Variants in SPAG16 observed in about 807,000 individuals in gnomAD.
SPAG16 encodes the protein sperm associated antigen 16, also known as sperm-associated antigen 16 protein.
A neutral mutation model predicts 80.4 loss-of-function variants in SPAG16; 86 were observed. The ratio of observed to expected loss-of-function variants is 1.07; its 90% confidence interval spans 0.90 to 1.28. SPAG16 has a LOEUF of 1.28. Among genes scored for constraint, SPAG16 ranks in the 50% most tolerant of loss-of-function variants. The probability of loss-of-function intolerance (pLI) is 0.00; values close to 1 mark genes in which losing one functional copy is unlikely to be tolerated. For missense variants in SPAG16, 870 were observed against 765.3 expected (o/e 1.14, Z -1.61); for synonymous variants, 294 against 265.9 (o/e 1.11, Z -1.03).
intron 12 of SPAG16, among the ~76,000 whole-genome samples, chr2:213,962,330 C>CTACA (rs34496294): frequency 0.33 from 49,464 of 151,240 alleles, 8,770 homozygotes; most frequent in South Asian, 0.47. Context: ...GTAGCTGGGA[C>CTACA]TACAGGCGCC....
rs574450893 is a variant in SPAG16, at chr2:213,842,566, AAACT to A, written c.1071-19915_1071-19912del. ...TATTAGATTTAATTTATTTTTTGCC[AAACT>A]AACATTTTGTTTGTTTTGTTCATAT... On this transcript the variant is annotated intron_variant, in intron 10 of 15. Transcript: ENST00000331683. Among the ~76,000 whole-genome samples, 192 of 152,146 alleles carry A rather than the reference AAACT, an allele frequency of 1.3e-3. 2 individuals are homozygous for A. The highest frequency in any genetic ancestry group is 2.4e-3 in the Non-Finnish European group (162 of 67,952).
chr2:214,080,554 G>T (rs1181506156), intron 13 of SPAG16, among the ~76,000 whole-genome samples: 2 of 149,488 alleles, frequency 1.3e-5, no homozygotes, highest in African/African-American at 2.5e-5. Context: ...CTTGCAGTGA[G>T]CTGAGATCAC....
chr2:213,565,855 TG>T (rs2059743536), intron 10 of SPAG16, among the ~76,000 whole-genome samples: 1 of 152,168 alleles, frequency 6.6e-6, no homozygotes, highest in Non-Finnish European at 1.5e-5. Flanking sequence ...GACATACTGA[TG>T]ATTCAAAGCA....
intron 10 of SPAG16, among the ~76,000 whole-genome samples, chr2:213,691,245 C>T (rs917386405): frequency 6.6e-6 from 1 of 152,222 alleles, no homozygotes; most frequent in Non-Finnish European, 1.5e-5. Flanking sequence ...CCTCTTGAAT[C>T]TGGGCTAGCC....
At chr2:213,476,074 A>G (rs1232252067) in intron 9 of SPAG16, among the ~76,000 whole-genome samples, 1 of 152,238 alleles carries the variant, frequency 6.6e-6, no homozygotes, top group Non-Finnish European at 1.5e-5. Flanking sequence ...AATAGACAGA[A>G]ACAACATGGT....
intron 8 of SPAG16, among the ~76,000 whole-genome samples, chr2:213,368,984 C>T (rs1277006145): frequency 3.3e-5 from 5 of 152,158 alleles, no homozygotes; most frequent in Non-Finnish European, 4.4e-5. Context: ...AATGGCCATA[C>T]TGCGCGAGAA....
At chr2:213,813,574 G>C (rs573884118) in intron 10 of SPAG16, among the ~76,000 whole-genome samples, 1 of 152,168 alleles carries the variant, frequency 6.6e-6, no homozygotes, top group South Asian at 2.1e-4. Flanking sequence ...TGGTCCAGGG[G>C]AAAGGTCTGC....
At chr2:213,683,393 A>C (rs948869854) in intron 10 of SPAG16, among the ~76,000 whole-genome samples, 1 of 152,172 alleles carries the variant, frequency 6.6e-6, no homozygotes, top group African/African-American at 2.4e-5. Context: ...TCTACAAAAA[A>C]TAGAAAAATT....
chr2:213,698,693 A>C (rs551540939), intron 10 of SPAG16, among the ~76,000 whole-genome samples: 4 of 152,228 alleles, frequency 2.6e-5, no homozygotes, highest in Non-Finnish European at 5.9e-5. Flanking sequence ...TCTGTTCTGT[A>C]CACCTTATTG....
intron 13 of SPAG16, among the ~76,000 whole-genome samples, chr2:214,066,259 G>A (rs1010671384): frequency 3.9e-5 from 6 of 152,046 alleles, no homozygotes; most frequent in African/African-American, 1.4e-4. Context: ...AACCTGAATT[G>A]CAATCATAAA....
At chr2:214,150,635 A>G (rs1027426493) in intron 15 of SPAG16, among the ~76,000 whole-genome samples, 2 of 152,056 alleles carry the variant, frequency 1.3e-5, no homozygotes, top group Non-Finnish European at 2.9e-5. Context: ...CTAGCATTCA[A>G]GTATTCATGT....
chr2:213,465,092 A>T (rs1203175288), intron 9 of SPAG16, among the ~76,000 whole-genome samples: 1 of 152,116 alleles, frequency 6.6e-6, no homozygotes. Context: ...ACAATGTATT[A>T]TGCCACTTCC....
At chr2:213,655,873 A>AT (rs1361183676) in intron 10 of SPAG16, among the ~76,000 whole-genome samples, 5 of 152,196 alleles carry the variant, frequency 3.3e-5, no homozygotes, top group Non-Finnish European at 1.5e-5. Context: ...TGAAAAGGAA[A>AT]TTGTTTTCGT....
chr2:214,123,488 T>G (rs568476342), intron 14 of SPAG16, among the ~76,000 whole-genome samples: 20 of 152,188 alleles, frequency 1.3e-4, no homozygotes, highest in Admixed American at 1.3e-3. Flanking sequence ...GTAGTGAAAT[T>G]TCTACTTAGC....
At chr2:213,389,225 A>G (rs1456259202) in intron 9 of SPAG16, among the ~76,000 whole-genome samples, 1 of 152,182 alleles carries the variant, frequency 6.6e-6, no homozygotes, top group Non-Finnish European at 1.5e-5. Context: ...GCAAAATAAT[A>G]AAGTTGGACC....
At position 213,911,459 on chromosome 2, in the gene SPAG16, C is replaced by T. The variant is rs1177933209; in HGVS notation, c.1215-18501C>T. On this transcript the variant is annotated intron_variant, in intron 11 of 15. Coordinates refer to ENST00000331683, the MANE Select transcript of SPAG16 (RefSeq NM_024532.5). ...GGTGCCCTGCCAATAGTTACAAGCT[C>T]TTATGTTTCTATAGTTATGTAAAGT... is the stretch of plus-strand genomic sequence containing the variant. 2.0e-5 allele frequency among the ~76,000 whole-genome samples: 3 copies of T among 152,180 alleles called. No individual in the cohort carries two copies. In the East Asian group the frequency reaches 5.8e-4, roughly 29 times the overall value.
At chr2:213,820,612 C>T (rs955571885) in intron 10 of SPAG16, among the ~76,000 whole-genome samples, 1 of 151,984 alleles carries the variant, frequency 6.6e-6, no homozygotes, top group Non-Finnish European at 1.5e-5. Context: ...TTTATGTCTG[C>T]ATTTGTTTTT....
chr2:213,399,579 A>G (rs554247780), intron 9 of SPAG16, among the ~76,000 whole-genome samples: 1 of 152,066 alleles, frequency 6.6e-6, no homozygotes, highest in African/African-American at 2.4e-5. Context: ...ATTTTTTCAT[A>G]GGATGCTTAC....
At chr2:214,033,455 G>A (rs776173850) in intron 13 of SPAG16, among the ~76,000 whole-genome samples, 1 of 152,164 alleles carries the variant, frequency 6.6e-6, no homozygotes, top group Non-Finnish European at 1.5e-5. Flanking sequence ...GAGACTGAGA[G>A]GGGGCTGGAA....
Sources: gnomAD v4.1 joint callset for allele counts (sites outside exome capture counted in the v4.1 genomes callset) on GRCh38, gnomAD v4.1.1 for gene constraint, MANE v1.5 for transcripts, NCBI Gene and HGNC (gene_info 2026-07-23, HGNC 2026-07-21) for gene names.